FGF13: variants seen among roughly 807,000 people sequenced by gnomAD.
The protein encoded by FGF13 is fibroblast growth factor 13, also known as fibroblast growth factor homologous factor 2.
Under a neutral mutation model 19.5 loss-of-function variants are expected in FGF13, and 2 were observed. The ratio of observed to expected loss-of-function variants is 0.10; its 90% CI spans 0.04 to 0.32. The LOEUF (loss-of-function observed/expected upper bound fraction) is 0.32. Ranked by LOEUF, FGF13 falls within the 10% of genes least tolerant of loss-of-function variation. FGF13 has a pLI of 1.00. For synonymous variants in FGF13, 72 were observed against 76.9 expected (o/e 0.94, Z 0.33); for missense variants, 113 against 192.7 (o/e 0.59, Z 2.45).
At chrX:139,133,894 G>A (rs149209739) in intron 1 of FGF13, among the ~76,000 whole-genome samples, 178 of 111,629 alleles carry the variant, frequency 1.6e-3, no homozygotes, top group African/African-American at 5.6e-3. Context: ...TAGTTTCCTC[G>A]GCCTTTTATT....
At chrX:138,674,294 T>G (rs987206336) in intron 3 of FGF13, among the ~76,000 whole-genome samples, 7 of 111,843 alleles carry the variant, frequency 6.3e-5, no homozygotes, top group African/African-American at 2.3e-4. Flanking sequence ...GTAAAGTCAG[T>G]AACTCATTTG....
At chrX:139,101,019 T>G (rs1010088059) in intron 1 of FGF13, among the ~76,000 whole-genome samples, 6 of 111,658 alleles carry the variant, frequency 5.4e-5, no homozygotes, top group African/African-American at 1.9e-4. Context: ...GAGCAATCAT[T>G]TGTAAGGGTG....
At chrX:138,822,041 C>T (rs1218544902) in intron 3 of FGF13, among the ~76,000 whole-genome samples, 1 of 111,235 alleles carries the variant, frequency 9.0e-6, no homozygotes, top group African/African-American at 3.3e-5. Flanking sequence ...CAAGATCAAC[C>T]TCAGGTTTAG....
intron 1 of FGF13, among the ~76,000 whole-genome samples, chrX:139,134,458 G>A (rs1269441381): frequency 9.0e-6 from 1 of 111,110 alleles, no homozygotes; most frequent in Non-Finnish European, 1.9e-5. Context: ...CTGGTAGAAA[G>A]TTACCTCCCC....
intron 3 of FGF13, among the ~76,000 whole-genome samples, chrX:138,813,217 T>G (rs978166484): frequency 3.6e-5 from 4 of 111,869 alleles, no homozygotes; most frequent in African/African-American, 6.5e-5. Flanking sequence ...AAATGGTATT[T>G]CTGGTTCTAG....
At chrX:139,088,755 G>A (rs1218139112) in intron 1 of FGF13, among the ~76,000 whole-genome samples, 1 of 111,435 alleles carries the variant, frequency 9.0e-6, no homozygotes, top group Non-Finnish European at 1.9e-5. Flanking sequence ...CTCCATCGAG[G>A]AGGCTACAGT....
chrX:139,043,710 G>A (rs767215127), intron 1 of FGF13, among the ~76,000 whole-genome samples: 4 of 111,727 alleles, frequency 3.6e-5, no homozygotes, highest in South Asian at 7.5e-4. Context: ...AAGTGGAAAC[G>A]GCCTAAATGT....
chrX:138,848,249 G>C (rs952772122), intron 3 of FGF13, among the ~76,000 whole-genome samples: 2 of 111,476 alleles, frequency 1.8e-5, no homozygotes, highest in African/African-American at 6.5e-5. Flanking sequence ...ATGGCCATAA[G>C]TTCTAAAGGT....
At chrX:138,953,176 C>G (rs759818992) in intron 1 of FGF13, among the ~76,000 whole-genome samples, 6 of 110,821 alleles carry the variant, frequency 5.4e-5, no homozygotes, top group Admixed American at 4.8e-4. Flanking sequence ...TTGGAACCAA[C>G]CCAAATGTCC....
At chrX:139,199,981 T>A (rs910418473) in intron 1 of FGF13, among the ~76,000 whole-genome samples, 5 of 111,981 alleles carry the variant, frequency 4.5e-5, no homozygotes, top group African/African-American at 1.6e-4. Context: ...GTGCACTCAT[T>A]TTCTCCACCT....
intron 1 of FGF13, among the ~76,000 whole-genome samples, chrX:139,027,590 C>T (rs1424008682): frequency 8.9e-6 from 1 of 112,032 alleles, no homozygotes; most frequent in Non-Finnish European, 1.9e-5. Flanking sequence ...CTGACAGTGA[C>T]ATTTAAAACA....
At chrX:139,145,676 T>G (rs780800717) in intron 1 of FGF13, among the ~76,000 whole-genome samples, 1 of 110,335 alleles carries the variant, frequency 9.1e-6, no homozygotes, top group Non-Finnish European at 1.9e-5. Context: ...TCCCCACCAA[T>G]GCCTCCACTC....
chrX:139,038,004 C>T (rs2092256265), intron 1 of FGF13, among the ~76,000 whole-genome samples: 2 of 111,356 alleles, frequency 1.8e-5, no homozygotes, highest in African/African-American at 6.5e-5. Context: ...CTCTGGCTTC[C>T]ACTTGAGTAT....
At chrX:138,914,739 AG>A in intron 1 of FGF13, among the ~76,000 whole-genome samples, 1 of 110,106 alleles carries the variant, frequency 9.1e-6, no homozygotes, top group Admixed American at 9.7e-5. Context: ...TATGTTGGAA[AG>A]GCCCTGCTGA....
chrX:138,971,165 T>C (rs1219912163), intron 1 of FGF13, among the ~76,000 whole-genome samples: 1 of 111,709 alleles, frequency 9.0e-6, no homozygotes, highest in Non-Finnish European at 1.9e-5. Context: ...GAGTCAAAAA[T>C]AGATTGAATT....
chrX:138,718,628 C>T (rs1168631999), intron 1 of FGF13, among the ~76,000 whole-genome samples: 2 of 111,869 alleles, frequency 1.8e-5, no homozygotes, highest in African/African-American at 6.5e-5. Context: ...TGGGAAAATA[C>T]TTTAGTGTTC....
chrX:138,897,276 C>T (rs1351809792), intron 1 of FGF13, among the ~76,000 whole-genome samples: 3 of 111,468 alleles, frequency 2.7e-5, no homozygotes, highest in Non-Finnish European at 3.8e-5. Flanking sequence ...TACGAAAGTG[C>T]TGGGATTACA....
At chrX:139,066,188 T>C (rs774249605) in intron 1 of FGF13, among the ~76,000 whole-genome samples, 2 of 111,627 alleles carry the variant, frequency 1.8e-5, no homozygotes, top group East Asian at 2.8e-4. Context: ...TAGAAGGAAA[T>C]TTGTAGCACT....
intron 1 of FGF13, among the ~76,000 whole-genome samples, chrX:139,095,366 A>G (rs1004166253): frequency 8.0e-5 from 9 of 112,186 alleles, no homozygotes; most frequent in African/African-American, 2.6e-4. Context: ...CAATCAGCAG[A>G]GATGAGGTCA....
Sources: allele counts gnomAD v4.1 joint callset (sites outside exome capture counted in the v4.1 genomes callset), GRCh38; gene constraint gnomAD v4.1.1; transcripts MANE v1.5; gene names NCBI Gene and HGNC (gene_info 2026-07-23, HGNC 2026-07-21).